Variants in UGT3A1 observed in about 807,000 individuals in gnomAD.
UGT3A1 encodes the protein UDP-glycosyltransferase 3A1.
UGT3A1 carries 40 observed loss-of-function variants against 37.6 expected under a neutral mutation model. The observed-to-expected ratio is 1.06, with a 90% CI of 0.83 to 1.38. The LOEUF is 1.38. Among genes scored for constraint, UGT3A1 ranks in the 40% most tolerant of loss-of-function variants. UGT3A1 has a pLI of 0.00. For synonymous variants in UGT3A1, 256 were observed against 232.3 expected (o/e 1.10, Z -0.93); for missense variants, 642 against 634.2 (o/e 1.01, Z -0.13).
chr5:35,987,700 A>G (rs1740780401), intron 2 of UGT3A1, among the ~76,000 whole-genome samples: 1 of 152,164 alleles, frequency 6.6e-6, no homozygotes, highest in Non-Finnish European at 1.5e-5. Flanking sequence ...TTTTCTCCCA[A>G]GATGGTTAAT....
intron 2 of UGT3A1, among the ~76,000 whole-genome samples, chr5:35,985,079 T>TAAAAAAAAAAAAAAAAAAAAAAATTAAAA (rs59401195): frequency 8.6e-6 from 1 of 116,026 alleles, no homozygotes; most frequent in African/African-American, 3.2e-5. Flanking sequence ...ACATAAAATA[T>TAAAAAAAAAAAAAAAAAAAAAAATTAAAA]AAAAAAAAAA....
rs1351500495 is a variant in UGT3A1 at position 35,953,335 on chromosome 5, A to G, written c.*867T>C. ...TTATCAAGAAAGATGAAACAAATGA[A>G]CAAAAACTCTGGGGGTGTTTACGCC... On this transcript the variant is annotated 3_prime_UTR_variant, in exon 7 of 7. Coordinates refer to ENST00000274278, the MANE Select transcript of UGT3A1 (RefSeq NM_152404.4). The G allele has an allele frequency of 6.6e-6, 1 of 152,376 alleles. No homozygotes were observed. The highest frequency in any genetic ancestry group is 2.4e-5 in the African/African-American group (1 of 41,462). 9.4% of individuals were successfully genotyped at this position (152,376 alleles called of 1,614,324 possible).
rs1739258164 is a variant in UGT3A1 at position 35,954,070 on chromosome 5, T to C, written c.*132A>G. The stretch of plus-strand genomic sequence containing the variant: ...AAGATTTCTAAACAGAGGCAGAGAA[T>C]AGAAAGAAGCAAGTTGCAGGATCAG... On this transcript the variant is annotated 3_prime_UTR_variant, in exon 7 of 7. Coordinates refer to ENST00000274278, the MANE Select transcript of UGT3A1 (RefSeq NM_152404.4). 5 of 987,602 alleles carry C rather than the reference T, an allele frequency of 5.1e-6. No homozygotes were observed. Among genetic ancestry groups the C allele is most frequent in the Non-Finnish European group, 7.5e-6 (5 of 670,594 alleles). The allele number at this position is 987,602 out of a possible 1,614,324, so 61.2% of individuals were successfully genotyped here. A position where few individuals can be genotyped will look rare whatever the true frequency, so the allele number is the denominator to read the frequency against.
chr5:35,977,836 AG>A, intron 2 of UGT3A1, among the ~76,000 whole-genome samples: 1 of 152,232 alleles, frequency 6.6e-6, no homozygotes, highest in Non-Finnish European at 1.5e-5. Context: ...AAAATTTAAA[AG>A]ATACAAACTA....
intron 4 of UGT3A1, among the ~76,000 whole-genome samples, chr5:35,963,973 T>C (rs190946336): frequency 6.6e-6 from 1 of 152,346 alleles, no homozygotes; most frequent in African/African-American, 2.4e-5. Flanking sequence ...AACATATTGT[T>C]TAATGCATAG....
Position 35,965,522 on chromosome 5 carries a change from A to G in UGT3A1, c.707T>C (p.Val236Ala). The G allele has an allele frequency of 6.2e-7, 1 of 1,614,200 alleles. No individual in the cohort carries two copies. The highest frequency in any genetic ancestry group is 8.5e-7 in the Non-Finnish European group (1 of 1,180,028). ...KEHFPEGSRP[V>A]LSHLLLKAEL... ...TGCTTTCAGTAGAAGATGAGACAAAACTGGCCTAGAGCCTTCTGGGAAATG... is the reference window on the plus strand; with the variant it reads ...TGCTTTCAGTAGAAGATGAGACAAAGCTGGCCTAGAGCCTTCTGGGAAATG... Residue 236 changes from valine (V) to alanine (A), a missense_variant, in exon 4 of 7, where the codon GTT becomes GCT. By Grantham distance (64) the Val-to-Ala change is moderately conservative. Coordinates refer to ENST00000274278, the MANE Select transcript of UGT3A1 (RefSeq NM_152404.4).
chr5:35,975,474 C>A (rs1740228166), intron 2 of UGT3A1, among the ~76,000 whole-genome samples: 1 of 152,164 alleles, frequency 6.6e-6, no homozygotes, highest in African/African-American at 2.4e-5. Context: ...ATGCTTCCAC[C>A]AAAGCTACCA....
At chr5:35,971,453 GACACACGCATAC>G (rs1740032650) in intron 2 of UGT3A1, among the ~76,000 whole-genome samples, 1 of 134,186 alleles carries the variant, frequency 7.5e-6, no homozygotes, top group Non-Finnish European at 1.6e-5. Context: ...TGGTGAAAAT[GACACACGCATAC>G]ACACACACAC....
In UGT3A1 at chr5:35,958,795, G is replaced by T. The variant is rs190144244; in HGVS notation, c.844-1376C>A. On this transcript the variant is annotated intron_variant, in intron 4 of 6. Transcript: ENST00000274278. The stretch of plus-strand genomic sequence containing the variant: ...GCTCAATTGTGCATTCTTTCCCTCA[G>T]CCAGAAGGAGCAGAATAGAAACTAT... Among the ~76,000 whole-genome samples, 406 of 152,302 alleles carry T rather than the reference G, an allele frequency of 2.7e-3. 4 individuals are homozygous for T. The highest frequency in any genetic ancestry group is 9.6e-3 in the African/African-American group (399 of 41,558).
chr5:35,987,861 G>C (rs1206910308), intron 2 of UGT3A1, among the ~76,000 whole-genome samples: 1 of 152,102 alleles, frequency 6.6e-6, no homozygotes, highest in Non-Finnish European at 1.5e-5. Flanking sequence ...TCTGTCAACA[G>C]GAATTTATGA....
chr5:35,954,376 C>T lies in UGT3A1; in HGVS notation c.1398G>A (p.Gly466=). Reference sequence around the variant, plus strand: ...CATAGGGCTTGAGGTGCGTCGCTCCCCCAGTCTGGAGGATGTGGTCGATCC... The same window carrying T: ...CATAGGGCTTGAGGTGCGTCGCTCCTCCAGTCTGGAGGATGTGGTCGATCC... The part of the protein sequence containing the change: ...VGWIDHILQT[G]GATHLKPYAF... Residue 466 remains glycine, a synonymous_variant, in exon 7 of 7, where the codon GGG becomes GGA. Coordinates refer to ENST00000274278, the MANE Select transcript of UGT3A1 (RefSeq NM_152404.4). 1 of 1,614,210 alleles carries T rather than the reference C, an allele frequency of 6.2e-7. No individual in the cohort carries two copies. The highest frequency in any genetic ancestry group is 8.5e-7 in the Non-Finnish European group (1 of 1,180,042).
chr5:35,996,015 G>A (rs1417245629), upstream of UGT3A1, among the ~76,000 whole-genome samples: 3 of 140,112 alleles, frequency 2.1e-5, no homozygotes, highest in Admixed American at 7.1e-5. Flanking sequence ...AATATCCTGC[G>A]CTATGACAAA....
At chr5:35,982,659 A>T (rs1041954746) in intron 2 of UGT3A1, among the ~76,000 whole-genome samples, 3 of 152,198 alleles carry the variant, frequency 2.0e-5, no homozygotes, top group Admixed American at 6.5e-5. Flanking sequence ...TTGGACTTGT[A>T]CTTTTGAATT....
intron 4 of UGT3A1, among the ~76,000 whole-genome samples, chr5:35,959,223 A>G (rs1739481471): frequency 2.6e-5 from 4 of 152,240 alleles, no homozygotes; most frequent in Admixed American, 2.6e-4. Context: ...CTTCCATGCC[A>G]GACTGCAAAG....
chr5:35,975,675 CT>C (rs898342306), intron 2 of UGT3A1, among the ~76,000 whole-genome samples: 8 of 150,558 alleles, frequency 5.3e-5, no homozygotes, highest in Middle Eastern at 6.8e-3. Context: ...TTTTTTTTTA[CT>C]TTTTTTCATT....
At chr5:35,979,259 G>T (rs373894404) in intron 2 of UGT3A1, among the ~76,000 whole-genome samples, 222 of 152,202 alleles carry the variant, frequency 1.5e-3, no homozygotes, top group African/African-American at 5.1e-3. Context: ...TTTCTCCTCA[G>T]AAAATGAGAT....
At chr5:35,972,863 C>T (rs1182477020) in intron 2 of UGT3A1, among the ~76,000 whole-genome samples, 3 of 147,172 alleles carry the variant, frequency 2.0e-5, no homozygotes, top group Non-Finnish European at 4.5e-5. Flanking sequence ...ACATTAATGA[C>T]CTGAAAGCTT....
chr5:35,965,701 C>A lies in UGT3A1; in HGVS notation c.528G>T (p.Gly176=), dbSNP rs746813440. Residue 176 remains glycine, a synonymous_variant, in exon 4 of 7, where the codon GGG becomes GGT. Coordinates refer to ENST00000274278, the MANE Select transcript of UGT3A1 (RefSeq NM_152404.4). ...GAACATAAGACAAGGGGCTTGGTAG[C>A]CCAAAATCCAAAGAGCCGAATGTGG... The part of the protein sequence containing the change: ...LPTTFGSLDF[G]LPSPLSYVPV... 6.2e-7 allele frequency: 1 copy of A among 1,614,088 alleles called. No homozygotes were observed. The highest frequency in any genetic ancestry group is 1.1e-5 in the South Asian group (1 of 91,056).
rs779074341 is a variant in UGT3A1, at chr5:35,951,201, A to G, written c.*3001T>C. 3 of 152,106 alleles carry G rather than the reference A, an allele frequency of 2.0e-5. No individual in the cohort carries two copies. Among genetic ancestry groups the G allele is most frequent in the Non-Finnish European group, 4.4e-5 (3 of 67,984 alleles). The allele number at this position is 152,106 out of a possible 1,614,324, so 9.4% of individuals were successfully genotyped here. A position where few individuals can be genotyped will look rare whatever the true frequency, so the allele number is the denominator to read the frequency against. ...TCTCTCCTTGTTTATTTAAACATAT[A>G]CTTGGTATGCAAAATATTAACGTTT... On this transcript the variant is annotated 3_prime_UTR_variant, in exon 7 of 7. Transcript: ENST00000274278.
Sources: allele counts gnomAD v4.1 joint callset (sites outside exome capture counted in the v4.1 genomes callset), GRCh38; gene constraint gnomAD v4.1.1; transcripts MANE v1.5; gene names NCBI Gene and HGNC (gene_info 2026-07-23, HGNC 2026-07-21).